Variants in GRID2 observed in about 807,000 individuals in gnomAD.
The protein encoded by GRID2 is glutamate receptor ionotropic, delta-2.
GRID2 carries 33 observed loss-of-function variants against 114.8 expected under a neutral mutation model. The ratio of observed to expected loss-of-function variants is 0.29; its 90% CI spans 0.22 to 0.38. The LOEUF is 0.38. GRID2 is among the 10% of genes least tolerant of loss of function. The pLI is 1.00. For synonymous variants in GRID2, 505 were observed against 449.9 expected, an observed-to-expected ratio of 1.12 and a Z score of -1.55; for missense variants, 1,184 against 1,257.7, an observed-to-expected ratio of 0.94 and a Z score of 0.89.
At chr4:93,529,120 A>G (rs1731206806) in intron 13 of GRID2, among the ~76,000 whole-genome samples, 3 of 152,150 alleles carry the variant, frequency 2.0e-5, no homozygotes, top group Admixed American at 6.6e-5. Flanking sequence ...TCACATCACA[A>G]TTTGAGTGGT....
intron 4 of GRID2, among the ~76,000 whole-genome samples, chr4:93,167,237 CAA>C (rs1738338090): frequency 6.6e-6 from 1 of 152,058 alleles, no homozygotes; most frequent in Non-Finnish European, 1.5e-5. Context: ...GCTTCAATGA[CAA>C]ATTCATACTC....
In GRID2 at chr4:92,670,265, C is replaced by T. The variant is rs536400044; in HGVS notation, c.244+79979C>T. Among the ~76,000 whole-genome samples the T allele has an allele frequency of 6.6e-5, 10 of 151,954 alleles. No individual in the cohort carries two copies. In the East Asian group the frequency reaches 9.7e-4, roughly 15 times the overall value. On this transcript the variant is annotated intron_variant, in intron 2 of 15. Transcript: ENST00000282020. ...TTCATTTTACATTTATTAAACGTTC[C>T]GCATACTATTATGTTGTCATTAGGT...
chr4:93,469,127 A>G (rs1402029470), intron 11 of GRID2, among the ~76,000 whole-genome samples: 5 of 152,108 alleles, frequency 3.3e-5, no homozygotes, highest in Non-Finnish European at 7.4e-5. Flanking sequence ...TGACTCCTGA[A>G]GAAGGCCATT....
chr4:93,145,644 C>CTTTTTTTTTTTTTTTTTTTT, intron 4 of GRID2, among the ~76,000 whole-genome samples: 1 of 45,702 alleles, frequency 2.2e-5, no homozygotes, highest in Non-Finnish European at 3.6e-5. Flanking sequence ...TTCTTTTTTC[C>CTTTTTTTTTTTTTTTTTTTT]TTTTTTTTTT....
At chr4:92,844,729 A>G (rs1041829252) in intron 2 of GRID2, among the ~76,000 whole-genome samples, 9 of 151,968 alleles carry the variant, frequency 5.9e-5, no homozygotes, top group Non-Finnish European at 8.8e-5. Context: ...AAGAAAGAAA[A>G]AAAAAAGATT....
At chr4:92,834,858 G>A (rs984217825) in intron 2 of GRID2, among the ~76,000 whole-genome samples, 4 of 152,004 alleles carry the variant, frequency 2.6e-5, no homozygotes, top group African/African-American at 9.7e-5. Flanking sequence ...GAAAAGACAC[G>A]TGCAGAATGT....
intron 14 of GRID2, among the ~76,000 whole-genome samples, chr4:93,663,826 C>A (rs1723714545): frequency 1.3e-5 from 2 of 152,134 alleles, no homozygotes; most frequent in South Asian, 4.1e-4. Flanking sequence ...AAAGTAGTTA[C>A]CCAGGGTATC....
chr4:92,361,465 A>C (rs1728617061), intron 1 of GRID2, among the ~76,000 whole-genome samples: 1 of 152,122 alleles, frequency 6.6e-6, no homozygotes, highest in Admixed American at 6.6e-5. Flanking sequence ...TATATAATTG[A>C]AACAGTAAAA....
intron 13 of GRID2, among the ~76,000 whole-genome samples, chr4:93,559,809 G>A (rs569571645): frequency 1.3e-5 from 2 of 152,218 alleles, no homozygotes; most frequent in South Asian, 2.1e-4. Flanking sequence ...ATTCACAGTA[G>A]CAATGACTTG....
chr4:93,126,206 A>T (rs1457662119), intron 4 of GRID2, among the ~76,000 whole-genome samples: 1 of 152,226 alleles, frequency 6.6e-6, no homozygotes, highest in Non-Finnish European at 1.5e-5. Context: ...TAGTTAGACT[A>T]CATGTTCTCT....
chr4:93,521,811 C>T (rs963742067), intron 13 of GRID2, among the ~76,000 whole-genome samples: 3 of 152,018 alleles, frequency 2.0e-5, no homozygotes, highest in Non-Finnish European at 2.9e-5. Context: ...CTTCAAGCCA[C>T]GTTGGAGGAG....
At chr4:93,710,171 T>C (rs1278286758) in intron 14 of GRID2, among the ~76,000 whole-genome samples, 1 of 152,222 alleles carries the variant, frequency 6.6e-6, no homozygotes, top group Non-Finnish European at 1.5e-5. Context: ...GTACTTATTG[T>C]AGTCTTCATG....
At chr4:92,317,654 T>C (rs1244896461) in intron 1 of GRID2, among the ~76,000 whole-genome samples, 1 of 152,240 alleles carries the variant, frequency 6.6e-6, no homozygotes, top group Non-Finnish European at 1.5e-5. Context: ...AATCAGTCCC[T>C]GACTGCTCGT....
intron 8 of GRID2, among the ~76,000 whole-genome samples, chr4:93,339,947 C>G (rs1474609580): frequency 6.6e-6 from 1 of 152,112 alleles, no homozygotes; most frequent in East Asian, 1.9e-4. Flanking sequence ...ATTGGGGAAA[C>G]CGCCCCCATG....
chr4:93,395,972 C>A (rs1765292639), intron 9 of GRID2, among the ~76,000 whole-genome samples: 1 of 151,918 alleles, frequency 6.6e-6, no homozygotes. Flanking sequence ...GTTTTCTACA[C>A]ATGACAAAGT....
intron 2 of GRID2, among the ~76,000 whole-genome samples, chr4:92,732,513 T>TA (rs1253086596): frequency 6.6e-6 from 1 of 152,044 alleles, no homozygotes; most frequent in African/African-American, 2.4e-5. Context: ...TGATAAATGT[T>TA]AATAGAGTAG....
chr4:92,961,107 G>C (rs1225742788), intron 2 of GRID2, among the ~76,000 whole-genome samples: 1 of 151,540 alleles, frequency 6.6e-6, no homozygotes, highest in South Asian at 2.1e-4. Context: ...TCCATTCTTT[G>C]TATCATTGCT....
intron 2 of GRID2, among the ~76,000 whole-genome samples, chr4:93,008,582 G>C (rs2149227556): frequency 6.6e-6 from 1 of 151,880 alleles, no homozygotes; most frequent in Admixed American, 6.6e-5. Flanking sequence ...TTTTTTTGTT[G>C]TTGCTTGCGT....
chr4:93,326,330 A>G (rs1342051765), intron 8 of GRID2, among the ~76,000 whole-genome samples: 2 of 152,150 alleles, frequency 1.3e-5, no homozygotes, highest in African/African-American at 4.8e-5. Flanking sequence ...TATCCTCAAG[A>G]AGCTAGTTTC....
Sources: gnomAD v4.1 joint callset for allele counts (sites outside exome capture counted in the v4.1 genomes callset) on GRCh38, gnomAD v4.1.1 for gene constraint, MANE v1.5 for transcripts, NCBI Gene and HGNC (gene_info 2026-07-23, HGNC 2026-07-21) for gene names.